Variants in PHF2 observed in about 807,000 individuals in gnomAD.
PHF2 encodes PHD finger protein 2, also known as lysine-specific demethylase PHF2.
A neutral mutation model predicts 120.5 loss-of-function variants in PHF2; 27 were observed. That is an observed-to-expected ratio of 0.22 (90% confidence interval 0.17 to 0.31). PHF2 has a LOEUF of 0.31. Ranked by LOEUF, PHF2 falls within the 10% of genes least tolerant of loss-of-function variation. PHF2 has a pLI of 1.00. For missense variants in PHF2, 1,024 were observed against 1,434.8 expected (o/e 0.71, Z 4.63); for synonymous variants, 568 against 592.5 (o/e 0.96, Z 0.60).
At position 93,677,715 on chromosome 9, in the gene PHF2, C is replaced by T. The variant is rs749890316; in HGVS notation, c.*39C>T. 6.1e-6 allele frequency: 9 copies of T among 1,482,756 alleles called. No homozygotes were observed. In the South Asian group the frequency reaches 9.2e-5, roughly 15 times the overall value. The allele number at this position is 1,482,756 out of a possible 1,614,324, so 91.8% of individuals were successfully genotyped here. Reference sequence around the variant, plus strand: ...AGGATCCTTCTGCTCCGCTCAGGACCCCCGGAGCCCCGCGAAAACATCTGC... The same window carrying T: ...AGGATCCTTCTGCTCCGCTCAGGACTCCCGGAGCCCCGCGAAAACATCTGC... On this transcript the variant is annotated 3_prime_UTR_variant, in exon 22 of 22. Transcript: ENST00000359246. This position sits in a 1 kb window ranked among gnomAD's most constrained non-coding sequence, Gnocchi z 4.4.
chr9:93,632,300 C>T (rs939836569), intron 2 of PHF2, among the ~76,000 whole-genome samples: 1 of 151,308 alleles, frequency 6.6e-6, no homozygotes, highest in African/African-American at 2.5e-5. Context: ...GATGGTGGGA[C>T]CCCCAGCCCC....
At chr9:93,622,467 G>A (rs79987346) in intron 1 of PHF2, among the ~76,000 whole-genome samples, 9,568 of 152,240 alleles carry the variant, frequency 0.063, 414 homozygotes, top group Non-Finnish European at 0.09. Context: ...CCCAGCAGCT[G>A]CAGCGTCATC....
intron 1 of PHF2, among the ~76,000 whole-genome samples, chr9:93,580,092 C>T (rs2131594120): frequency 6.6e-6 from 1 of 152,160 alleles, no homozygotes; most frequent in East Asian, 1.9e-4. Flanking sequence ...CTTTGAAGCC[C>T]CCCTCTGTCC....
In PHF2 at chr9:93,677,606, G is replaced by T; in HGVS notation, c.3221G>T (p.Gly1074Val). 6.2e-7 allele frequency: 1 copy of T among 1,613,860 alleles called. No homozygotes were observed. The highest frequency in any genetic ancestry group is 8.5e-7 in the Non-Finnish European group (1 of 1,179,942). Residue 1074 changes from glycine to valine, a missense_variant, in exon 22 of 22, where the codon GGC becomes GTC. Coordinates refer to ENST00000359246, the MANE Select transcript of PHF2 (RefSeq NM_005392.4). The surrounding 1 kb of genome is among the most constrained non-coding windows in gnomAD (Gnocchi z 4.4). ...CCCCTAGGAAAACGTACGAAAAAGG[G>T]CATGGCGACCGCCAAGCAGAGGCTT... ...TAAKGKRTKK[G>V]MATAKQRLGK...
chr9:93,673,164 T>A (rs1031936051), intron 17 of PHF2, among the ~76,000 whole-genome samples: 32 of 151,808 alleles, frequency 2.1e-4, no homozygotes, highest in African/African-American at 7.8e-4. Flanking sequence ...GTTCTGTAGT[T>A]GGGAGAGAGG....
rs186757351 is a variant in PHF2, at chr9:93,653,377, C to T, written c.789+12C>T. 9 of 1,611,808 alleles carry T rather than the reference C, an allele frequency of 5.6e-6. No homozygotes were observed. The African/African-American group carries it at 8.0e-5, about 14-fold the overall frequency. On this transcript the variant is annotated intron_variant, in intron 6 of 21. Coordinates refer to ENST00000359246, the MANE Select transcript of PHF2 (RefSeq NM_005392.4). The stretch of plus-strand genomic sequence containing the variant: ...ACCACGTGCTCAAGGTGAGCCACGC[C>T]CCTCGGGGCACCTCTGCCTTGCCAT...
chr9:93,641,840 C>T (rs183219980), intron 3 of PHF2, among the ~76,000 whole-genome samples: 2 of 152,288 alleles, frequency 1.3e-5, no homozygotes, highest in East Asian at 3.9e-4. Context: ...GGTATCACTG[C>T]TGATAAATCA....
intron 17 of PHF2, 71 bp downstream of exon 17, chr9:93,667,311 T>A: frequency 1.3e-6 from 2 of 1,534,906 alleles, no homozygotes; most frequent in Non-Finnish European, 1.8e-6. Context: ...TCGGCCATGA[T>A]GGTGGGAGCC....
chr9:93,661,030 C>G (rs1826556073), intron 12 of PHF2, among the ~76,000 whole-genome samples: 1 of 148,736 alleles, frequency 6.7e-6, no homozygotes, highest in African/African-American at 2.5e-5. Flanking sequence ...AGGTTGAAAC[C>G]TGAAGGTAGA....
At chr9:93,627,638 G>A (rs2131647151) in intron 1 of PHF2, among the ~76,000 whole-genome samples, 1 of 151,934 alleles carries the variant, frequency 6.6e-6, no homozygotes, top group East Asian at 1.9e-4. Context: ...TGTTTGCTGT[G>A]GATTTTTCAT....
chr9:93,657,447 G>A (rs969839209), intron 9 of PHF2, among the ~76,000 whole-genome samples: 19 of 152,332 alleles, frequency 1.2e-4, no homozygotes, highest in African/African-American at 4.6e-4. Context: ...TGCCCTCAGG[G>A]GACTGGTGCC....
rs757311138 is a variant in PHF2, at chr9:93,645,740, G to A, written c.411G>A (p.Leu137=). ...TCCCTAAGAAAGACGGGCTGGGTCT[G>A]GCTGTCCCGGCCCCCACGTTCTATG... ...ILVPKKDGLG[L]AVPAPTFYVS... is the part of the protein sequence containing the mutation. The change falls in exon 4 of 22, where the codon CTG becomes CTA. Residue 137 remains leucine (L), a synonymous_variant. Coordinates refer to ENST00000359246, the MANE Select transcript of PHF2 (RefSeq NM_005392.4). The A allele has an allele frequency of 1.1e-5, 17 of 1,611,036 alleles. No homozygotes were observed. Among genetic ancestry groups the A allele is most frequent in the Middle Eastern group, 4.2e-4 (2 of 4,792 alleles).
chr9:93,587,483 G>GGGA, intron 1 of PHF2, among the ~76,000 whole-genome samples: 2 of 17,608 alleles, frequency 1.1e-4, no homozygotes, highest in Non-Finnish European at 2.6e-4. Flanking sequence ...CCCCGGGTGA[G>GGGA]GGATGATGGA....
rs1390771249 is a variant in PHF2 at position 93,678,897 on chromosome 9, C to T, written c.*1221C>T. 6.1e-6 allele frequency: 1 copy of T among 162,860 alleles called. No individual in the cohort carries two copies. The highest frequency in any genetic ancestry group is 1.3e-5 in the Non-Finnish European group (1 of 74,628). 10.1% of individuals were successfully genotyped at this position (162,860 alleles called of 1,614,324 possible). A position where few individuals can be genotyped will look rare whatever the true frequency, so the allele number is the denominator to read the frequency against. Reference sequence around the variant, plus strand: ...TATTATTATTTTTTTCTTTTAAGAACTAAGGTATTGCCTGAAAAACAAGTG... The same window carrying T: ...TATTATTATTTTTTTCTTTTAAGAATTAAGGTATTGCCTGAAAAACAAGTG... On this transcript the variant is annotated 3_prime_UTR_variant, in exon 22 of 22. Transcript: ENST00000359246.
intron 14 of PHF2, among the ~76,000 whole-genome samples, chr9:93,665,472 G>T (rs770660979): frequency 3.7e-4 from 57 of 152,342 alleles, no homozygotes; most frequent in Non-Finnish European, 3.7e-4. Flanking sequence ...GGCCCAGCCT[G>T]GCCTCCTGTC....
chr9:93,581,239 C>T (rs563947125), intron 1 of PHF2, among the ~76,000 whole-genome samples: 2 of 152,260 alleles, frequency 1.3e-5, no homozygotes, highest in South Asian at 4.1e-4. Context: ...GAGGCAGAGC[C>T]ATGTTCAGGG....
chr9:93,651,369 C>T (rs910255127), intron 5 of PHF2, among the ~76,000 whole-genome samples: 3 of 152,216 alleles, frequency 2.0e-5, no homozygotes, highest in Non-Finnish European at 4.4e-5. Context: ...AGGGCCACCC[C>T]TTTGCCTCCT....
rs746831069 is a variant in PHF2 at position 93,663,044 on chromosome 9, G to T, written c.1818+18G>T. Reference sequence around the variant, plus strand: ...AGTACAAGGTGAGAAGTGCACATATGCATGCACACGTGTGTGTGTCAGCTT... The same window carrying T: ...AGTACAAGGTGAGAAGTGCACATATTCATGCACACGTGTGTGTGTCAGCTT... On this transcript the variant is annotated intron_variant, in intron 13 of 21. Coordinates refer to ENST00000359246, the MANE Select transcript of PHF2 (RefSeq NM_005392.4). 3.2e-5 allele frequency: 51 copies of T among 1,613,768 alleles called. No individual in the cohort carries two copies. The highest frequency in any genetic ancestry group is 4.0e-5 in the African/African-American group (3 of 74,932).
At chr9:93,631,335 C>G (rs1422718294) in intron 2 of PHF2, among the ~76,000 whole-genome samples, 1 of 152,208 alleles carries the variant, frequency 6.6e-6, no homozygotes, top group Non-Finnish European at 1.5e-5. Flanking sequence ...ATCCCCAGCA[C>G]AGCCTCAACA....
Sources: gnomAD v4.1 joint callset for allele counts (sites outside exome capture counted in the v4.1 genomes callset) on GRCh38, gnomAD v4.1.1 for gene constraint, Gnocchi (gnomAD v3.1) non-coding constraint, MANE v1.5 for transcripts, NCBI Gene and HGNC (gene_info 2026-07-23, HGNC 2026-07-21) for gene names.